CDC37L1: variants seen among roughly 807,000 people sequenced by gnomAD.
CDC37L1 encodes the protein cell division cycle 37 like 1, HSP90 cochaperone.
A neutral mutation model predicts 45.9 loss-of-function variants in CDC37L1; 32 were observed. The ratio of observed to expected loss-of-function variants is 0.70; its 90% CI spans 0.53 to 0.94. The LOEUF is 0.94. CDC37L1 is among the 40% of genes least tolerant of loss of function. The probability of loss-of-function intolerance (pLI) is 0.00; values close to 1 mark genes in which losing one functional copy is unlikely to be tolerated. For synonymous variants in CDC37L1, 150 were observed against 133.0 expected, an observed-to-expected ratio of 1.13 and a Z score of -0.88; for missense variants, 434 against 405.7, an observed-to-expected ratio of 1.07 and a Z score of -0.60.
intron 1 of CDC37L1, among the ~76,000 whole-genome samples, chr9:4,683,677 A>T (rs773177810): frequency 7.2e-5 from 11 of 152,178 alleles, no homozygotes; most frequent in Non-Finnish European, 1.0e-4. Flanking sequence ...TGGAAAGATC[A>T]CTCCAGTCTA....
chr9:4,694,271 G>A (rs1040241009), intron 3 of CDC37L1, among the ~76,000 whole-genome samples: 7 of 152,154 alleles, frequency 4.6e-5, no homozygotes, highest in South Asian at 4.2e-4. Flanking sequence ...GTGGAGACAC[G>A]GTCTCATTTT....
At chr9:4,680,596 C>T (rs982808969) in intron 1 of CDC37L1, among the ~76,000 whole-genome samples, 2 of 140,592 alleles carry the variant, frequency 1.4e-5, no homozygotes, top group Middle Eastern at 3.3e-3. Context: ...CTTCCTGCGA[C>T]TGAAACGTAT....
At chr9:4,696,338 T>C (rs1841347977) in intron 3 of CDC37L1, among the ~76,000 whole-genome samples, 1 of 152,252 alleles carries the variant, frequency 6.6e-6, no homozygotes, top group Admixed American at 6.5e-5. Context: ...AAACCTAACA[T>C]TGCTATATTG....
intron 1 of CDC37L1, among the ~76,000 whole-genome samples, chr9:4,681,056 C>T (rs548127002): frequency 1.3e-5 from 2 of 152,232 alleles, no homozygotes; most frequent in African/African-American, 4.8e-5. Flanking sequence ...ATTAGTCACC[C>T]ACTAATTTTG....
intron 6 of CDC37L1, among the ~76,000 whole-genome samples, chr9:4,705,040 T>C (rs1841429958): frequency 6.6e-6 from 1 of 152,162 alleles, no homozygotes; most frequent in Non-Finnish European, 1.5e-5. Context: ...CAGCTAGCTT[T>C]TTGACTTTTA....
chr9:4,689,614 G>A (rs10758643), intron 3 of CDC37L1, among the ~76,000 whole-genome samples: 74,411 of 151,800 alleles, frequency 0.49, 21,118 homozygotes, highest in African/African-American at 0.78. Flanking sequence ...TAGTACCCAA[G>A]GAAATAAAGA....
chr9:4,703,129 T>C, intron 6 of CDC37L1: 2 of 1,522,846 alleles, frequency 1.3e-6, no homozygotes, highest in Non-Finnish European at 1.8e-6. Flanking sequence ...TAATCTGTTG[T>C]CTACATTGTG....
chr9:4,698,258 T>TTAA (rs1472188354), intron 5 of CDC37L1, among the ~76,000 whole-genome samples: 2 of 148,028 alleles, frequency 1.4e-5, no homozygotes, highest in African/African-American at 5.0e-5. Context: ...ACTCAGCAGT[T>TTAA]TAATGAGAAA....
intron 5 of CDC37L1, among the ~76,000 whole-genome samples, chr9:4,699,825 G>C (rs1563772273): frequency 6.6e-6 from 1 of 152,022 alleles, no homozygotes; most frequent in Non-Finnish European, 1.5e-5. Flanking sequence ...TCTTTTACAT[G>C]CTCTTCTGCA....
At chr9:4,698,020 T>A in intron 5 of CDC37L1, 141 bp downstream of exon 5, 1 of 727,332 alleles carries the variant, frequency 1.4e-6, no homozygotes, top group Non-Finnish European at 2.3e-6. Context: ...AGAAAATTTA[T>A]ATTGCTAATT....
chr9:4,707,167 T>TC lies in CDC37L1; in HGVS notation c.*1059dup, dbSNP rs1331147916. 1 of 152,194 alleles carries TC rather than the reference T, an allele frequency of 6.6e-6. No homozygotes were observed. The highest frequency in any genetic ancestry group is 1.5e-5 in the Non-Finnish European group (1 of 68,026). 9.4% of individuals were successfully genotyped at this position (152,194 alleles called of 1,614,324 possible). A position where few individuals can be genotyped will look rare whatever the true frequency, so the allele number is the denominator to read the frequency against. ...GATGGCATTTACAACATTTGGCATT[T>TC]CCCCTTTTTCAGCTCAGTTACCATA... On this transcript the variant is annotated 3_prime_UTR_variant, in exon 7 of 7. Transcript: ENST00000381854.
At chr9:4,687,678 C>CAAAAAAAAAAAAAAAAAAAAAA (rs59932144) in intron 2 of CDC37L1, among the ~76,000 whole-genome samples, 1 of 58,408 alleles carries the variant, frequency 1.7e-5, no homozygotes, top group Non-Finnish European at 3.7e-5. Context: ...GACCCCATCT[C>CAAAAAAAAAAAAAAAAAAAAAA]AAAAAAAAAA....
At chr9:4,703,959 T>G (rs1026759086) in intron 6 of CDC37L1, among the ~76,000 whole-genome samples, 8 of 152,144 alleles carry the variant, frequency 5.3e-5, no homozygotes, top group Admixed American at 4.6e-4. Context: ...AATTTGAGCA[T>G]CCTGATGTGG....
At position 4,706,413 on chromosome 9, in the gene CDC37L1, A is replaced by G. The variant is rs1841442349; in HGVS notation, c.*301A>G. On this transcript the variant is annotated 3_prime_UTR_variant, in exon 7 of 7. Coordinates refer to ENST00000381854, the MANE Select transcript of CDC37L1 (RefSeq NM_017913.4). Reference sequence around the variant, plus strand: ...TTTGGAATCAAGTATGAAAATCTGCACAAATGCAATGTTTACAAGAACTGG... The same window carrying G: ...TTTGGAATCAAGTATGAAAATCTGCGCAAATGCAATGTTTACAAGAACTGG... The G allele has an allele frequency of 4.8e-6, 1 of 206,566 alleles. No individual in the cohort carries two copies. The highest frequency in any genetic ancestry group is 5.3e-5 in the Admixed American group (1 of 18,712). 12.8% of individuals were successfully genotyped at this position (206,566 alleles called of 1,614,324 possible).
chr9:4,681,316 ATCTC>A (rs1452815665), intron 1 of CDC37L1, among the ~76,000 whole-genome samples: 1 of 152,184 alleles, frequency 6.6e-6, no homozygotes, highest in African/African-American at 2.4e-5. Flanking sequence ...GAGTAAGCTT[ATCTC>A]TCTCATTAAA....
At chr9:4,681,797 A>G (rs1474220706) in intron 1 of CDC37L1, among the ~76,000 whole-genome samples, 1 of 152,208 alleles carries the variant, frequency 6.6e-6, no homozygotes, top group Non-Finnish European at 1.5e-5. Flanking sequence ...ATAATCCTAA[A>G]AAAAGCTTTG....
At chr9:4,691,127 A>G (rs555318928) in intron 3 of CDC37L1, among the ~76,000 whole-genome samples, 1 of 152,360 alleles carries the variant, frequency 6.6e-6, no homozygotes, top group Admixed American at 6.5e-5. Context: ...GCTTACCAAA[A>G]TGATGACTAT....
intron 5 of CDC37L1, among the ~76,000 whole-genome samples, chr9:4,698,711 G>A (rs1275173971): frequency 3.3e-5 from 5 of 152,218 alleles, no homozygotes; most frequent in African/African-American, 1.2e-4. Flanking sequence ...CCAGGAACCC[G>A]GAGGGGCTTC....
At position 4,707,702 on chromosome 9, in the gene CDC37L1, T is replaced by G. The variant is rs950394633; in HGVS notation, c.*1590T>G. 6.6e-6 allele frequency: 1 copy of G among 151,846 alleles called. No homozygotes were observed. The highest frequency in any genetic ancestry group is 2.4e-5 in the African/African-American group (1 of 41,262). 9.4% of individuals were successfully genotyped at this position (151,846 alleles called of 1,614,324 possible). On this transcript the variant is annotated 3_prime_UTR_variant, in exon 7 of 7. Transcript: ENST00000381854. Reference sequence around the variant, plus strand: ...TGTCAGCCTGTACTTTTTTTTTTTTTAAACCCATGACCTAGTCGTAGACAT... The same window carrying G: ...TGTCAGCCTGTACTTTTTTTTTTTTGAAACCCATGACCTAGTCGTAGACAT...
Sources: allele counts gnomAD v4.1 joint callset (sites outside exome capture counted in the v4.1 genomes callset), GRCh38; gene constraint gnomAD v4.1.1; transcripts MANE v1.5; gene names NCBI Gene and HGNC (gene_info 2026-07-23, HGNC 2026-07-21).